The following SHISA6 variants were observed in gnomAD, a reference collection of about 807,000 sequenced individuals.
SHISA6 encodes the protein protein shisa-6.
In SHISA6, 22 loss-of-function variants were observed where a neutral mutation model predicts 47.9. The observed-to-expected ratio is 0.46, with a 90% CI of 0.33 to 0.66. SHISA6 has a LOEUF of 0.66. SHISA6 is among the 30% of genes least tolerant of loss of function. The pLI, the probability that SHISA6 is intolerant of heterozygous loss-of-function variation, is 0.02. For synonymous variants in SHISA6, 388 were observed against 337.8 expected, an observed-to-expected ratio of 1.15 and a Z score of -1.63; for missense variants, 680 against 764.6, an observed-to-expected ratio of 0.89 and a Z score of 1.30.
chr17:11,506,716 C>G (rs1028248674), intron 3 of SHISA6, among the ~76,000 whole-genome samples: 5 of 152,174 alleles, frequency 3.3e-5, no homozygotes, highest in African/African-American at 1.2e-4. Context: ...GATTCCATGC[C>G]ACATAAAGCA....
At chr17:11,277,098 T>A (rs1178119636) in intron 2 of SHISA6, among the ~76,000 whole-genome samples, 3 of 151,910 alleles carry the variant, frequency 2.0e-5, no homozygotes, top group Non-Finnish European at 2.9e-5. Context: ...AGCTGAGAGG[T>A]CTTACCCAAA....
At chr17:11,301,461 T>G (rs1465671938) in intron 2 of SHISA6, among the ~76,000 whole-genome samples, 4 of 152,188 alleles carry the variant, frequency 2.6e-5, no homozygotes, top group Non-Finnish European at 5.9e-5. Context: ...ATTGCAGCAC[T>G]TTGGGTCAGT....
At chr17:11,391,488 C>T (rs78491183) in intron 3 of SHISA6, among the ~76,000 whole-genome samples, 6,452 of 152,188 alleles carry the variant, frequency 0.042, 208 homozygotes, top group Admixed American at 0.089. Context: ...CAAAGCAGCA[C>T]GCAAAAAGCA....
intron 3 of SHISA6, among the ~76,000 whole-genome samples, chr17:11,518,444 AAC>A (rs145506282): frequency 2.0e-5 from 3 of 151,124 alleles, no homozygotes; most frequent in Admixed American, 6.6e-5. Flanking sequence ...TGGGCCAGGA[AAC>A]ACACACACAC....
At chr17:11,538,165 G>A (rs945520374) in intron 3 of SHISA6, among the ~76,000 whole-genome samples, 5 of 152,170 alleles carry the variant, frequency 3.3e-5, no homozygotes. Context: ...TTGGGTTCAA[G>A]CAATTCTCCT....
intron 3 of SHISA6, among the ~76,000 whole-genome samples, chr17:11,517,144 T>G (rs2969231): frequency 0.53 from 79,857 of 151,982 alleles, 21,012 homozygotes; most frequent in Admixed American, 0.59. Flanking sequence ...AGTTTCGTTT[T>G]CCAAGGTTAA....
chr17:11,298,540 G>A (rs556392032), intron 2 of SHISA6, among the ~76,000 whole-genome samples: 2 of 152,294 alleles, frequency 1.3e-5, no homozygotes, highest in South Asian at 2.1e-4. Context: ...CTGAACTCAG[G>A]CTGGGCCAGC....
intron 3 of SHISA6, among the ~76,000 whole-genome samples, chr17:11,551,635 C>T (rs796191411): frequency 6.6e-5 from 10 of 152,268 alleles, no homozygotes; most frequent in East Asian, 1.9e-4. Flanking sequence ...CCCACCCCTA[C>T]GAAGCCTCTA....
intron 3 of SHISA6, among the ~76,000 whole-genome samples, chr17:11,461,396 C>CAAA (rs778616587): frequency 9.1e-5 from 7 of 76,646 alleles, no homozygotes; most frequent in Admixed American, 2.7e-4. Context: ...GACTCCATCT[C>CAAA]AAAAAAAAAA....
chr17:11,305,937 T>G (rs1477440459), intron 2 of SHISA6, among the ~76,000 whole-genome samples: 1 of 152,096 alleles, frequency 6.6e-6, no homozygotes, highest in East Asian at 1.9e-4. Context: ...GTTAGTGGTC[T>G]TCACTGTCAT....
chr17:11,286,291 G>A (rs1483583274), intron 2 of SHISA6, among the ~76,000 whole-genome samples: 1 of 152,132 alleles, frequency 6.6e-6, no homozygotes, highest in East Asian at 1.9e-4. Flanking sequence ...GATTCAAAGG[G>A]CACACATCCA....
rs1361555909 is a variant in SHISA6, at chr17:11,560,953, AAAG to A, written c.*2653_*2655del. ...GGGAGGGAGGGGAGGAGGGAAGAAA[AAAG>A]AAGTAGAGATAGGTCTACAGACTTG... On this transcript the variant is annotated 3_prime_UTR_variant, in exon 6 of 6. Coordinates refer to ENST00000441885, the MANE Select transcript of SHISA6 (RefSeq NM_207386.4). 1.3e-5 allele frequency: 2 copies of A among 152,142 alleles called. No homozygotes were observed. The highest frequency in any genetic ancestry group is 4.8e-5 in the African/African-American group (2 of 41,412). The allele number at this position is 152,142 out of a possible 1,614,324, so 9.4% of individuals were successfully genotyped here.
intron 3 of SHISA6, among the ~76,000 whole-genome samples, chr17:11,410,855 C>T (rs1288813979): frequency 6.6e-6 from 1 of 152,242 alleles, no homozygotes; most frequent in African/African-American, 2.4e-5. Context: ...GTCTTAACAG[C>T]TCATCCAGGC....
At chr17:11,448,254 G>C (rs980839701) in intron 3 of SHISA6, among the ~76,000 whole-genome samples, 1 of 152,118 alleles carries the variant, frequency 6.6e-6, no homozygotes, top group African/African-American at 2.4e-5. Flanking sequence ...AAAGAGGCTG[G>C]GTGTGGTGGC....
At chr17:11,430,682 T>C (rs918300660) in intron 3 of SHISA6, among the ~76,000 whole-genome samples, 8 of 152,114 alleles carry the variant, frequency 5.3e-5, no homozygotes, top group Admixed American at 1.3e-4. Context: ...CTGGGCTCCA[T>C]GGTGTCTGCC....
intron 2 of SHISA6, among the ~76,000 whole-genome samples, chr17:11,344,741 T>C (rs1356123940): frequency 6.6e-6 from 1 of 152,220 alleles, no homozygotes; most frequent in East Asian, 1.9e-4. Context: ...TCAGGGTAAT[T>C]AGCATATCTG....
intron 3 of SHISA6, among the ~76,000 whole-genome samples, chr17:11,460,003 T>C (rs17699528): frequency 0.27 from 40,534 of 152,094 alleles, 5,585 homozygotes; most frequent in Middle Eastern, 0.37. Flanking sequence ...AGACAAATGG[T>C]TGCAGAGTGG....
At chr17:11,396,207 A>G (rs1031002306) in intron 3 of SHISA6, among the ~76,000 whole-genome samples, 9 of 152,114 alleles carry the variant, frequency 5.9e-5, no homozygotes, top group Non-Finnish European at 1.2e-4. Flanking sequence ...CCTAATATTG[A>G]CCTAATCTTG....
At chr17:11,262,031 C>A (rs1219622240) in intron 1 of SHISA6, among the ~76,000 whole-genome samples, 5 of 152,146 alleles carry the variant, frequency 3.3e-5, no homozygotes, top group Admixed American at 3.3e-4. Context: ...GAAAAGGTAT[C>A]TCAGTGTGAT....
Sources: gnomAD v4.1 joint callset for allele counts (sites outside exome capture counted in the v4.1 genomes callset) on GRCh38, gnomAD v4.1.1 for gene constraint, MANE v1.5 for transcripts, NCBI Gene and HGNC (gene_info 2026-07-23, HGNC 2026-07-21) for gene names.